The following TM9SF3 variants were observed in gnomAD, a reference collection of about 807,000 sequenced individuals.
TM9SF3 encodes the protein SM-11044-binding protein.
Under a neutral mutation model 78.6 loss-of-function variants are expected in TM9SF3, and 14 were observed. The observed-to-expected ratio is 0.18, with a 90% CI of 0.12 to 0.28. The LOEUF (loss-of-function observed/expected upper bound fraction) is 0.28, where lower values mean the gene tolerates loss of function less well. Ranked by LOEUF, TM9SF3 falls within the 10% of genes least tolerant of loss-of-function variation. The probability of loss-of-function intolerance (pLI) is 1.00; values close to 1 mark genes in which losing one functional copy is unlikely to be tolerated. For missense variants in TM9SF3, 496 were observed against 721.9 expected (o/e 0.69, Z 3.59); for synonymous variants, 231 against 241.7 (o/e 0.96, Z 0.41).
intron 3 of TM9SF3, among the ~76,000 whole-genome samples, chr10:96,562,628 C>T (rs1179660430): frequency 6.6e-6 from 1 of 152,132 alleles, no homozygotes; most frequent in Non-Finnish European, 1.5e-5. Context: ...TATATGGGCA[C>T]CAAAACTTAA....
rs398014526 is a variant in TM9SF3, at chr10:96,543,344, C to CTTTTTTTTTTTTTTTTTTTTTTTT, written c.1185+731_1185+732insAAAAAAAAAAAAAAAAAAAAAAAA. Among the ~76,000 whole-genome samples the CTTTTTTTTTTTTTTTTTTTTTTTT allele has an allele frequency of 2.2e-5, 3 of 136,894 alleles. 1 individual carries two copies. Among genetic ancestry groups the CTTTTTTTTTTTTTTTTTTTTTTTT allele is most frequent in the Non-Finnish European group, 1.5e-5 (1 of 65,210 alleles). 89.8% of individuals were successfully genotyped at this position (136,894 alleles called of 152,430 possible). The stretch of plus-strand genomic sequence containing the variant: ...ATTTACAAAAATGCTTAGTGAGATT[C>CTTTTTTTTTTTTTTTTTTTTTTTT]TTTTTTTTGAGATGGAGTCTGGCTC... On this transcript the variant is annotated intron_variant, in intron 9 of 14. Coordinates refer to ENST00000371142, the MANE Select transcript of TM9SF3 (RefSeq NM_020123.4).
chr10:96,548,088 T>A, intron 7 of TM9SF3, 99 bp from the exon 8 acceptor site: 1 of 704,078 alleles, frequency 1.4e-6, no homozygotes, highest in Non-Finnish European at 2.2e-6. Flanking sequence ...AAGATAACTT[T>A]AACAGAAATA....
chr10:96,520,576 G>C lies in TM9SF3; in HGVS notation c.*1687C>G, dbSNP rs1256086724. 1 of 291,574 alleles carries C rather than the reference G, an allele frequency of 3.4e-6. No individual in the cohort carries two copies. The highest frequency in any genetic ancestry group is 6.3e-6 in the Non-Finnish European group (1 of 159,744). The allele number at this position is 291,574 out of a possible 1,614,324, so 18.1% of individuals were successfully genotyped here. A position where few individuals can be genotyped will look rare whatever the true frequency, so the allele number is the denominator to read the frequency against. ...AATAACAATATAAAGTATTGTTTTA[G>C]GTGGTCATTTGCATAGCAAACTATT... On this transcript the variant is annotated 3_prime_UTR_variant, in exon 15 of 15. Coordinates refer to ENST00000371142, the MANE Select transcript of TM9SF3 (RefSeq NM_020123.4).
intron 4 of TM9SF3, among the ~76,000 whole-genome samples, 180 bp from the exon 5 acceptor site, chr10:96,559,916 T>A (rs1158952940): frequency 6.6e-6 from 1 of 152,238 alleles, no homozygotes; most frequent in Non-Finnish European, 1.5e-5. Context: ...AATCAACTTT[T>A]CTGTTTATTG....
chr10:96,545,780 T>C (rs1251299538), intron 8 of TM9SF3, among the ~76,000 whole-genome samples: 1 of 152,176 alleles, frequency 6.6e-6, no homozygotes, highest in African/African-American at 2.4e-5. Context: ...TCCTAGCTAT[T>C]GAGCAGGCTG....
At chr10:96,571,668 A>G (rs1848437984) in intron 2 of TM9SF3, among the ~76,000 whole-genome samples, 1 of 152,248 alleles carries the variant, frequency 6.6e-6, no homozygotes, top group African/African-American at 2.4e-5. Context: ...TCCTACCTGC[A>G]GTACTCTCAA....
In TM9SF3 at chr10:96,520,116, T is replaced by C. The variant is rs1192211423; in HGVS notation, c.*2147A>G. 6.6e-6 allele frequency: 1 copy of C among 151,912 alleles called. No individual in the cohort carries two copies. The highest frequency in any genetic ancestry group is 1.9e-4 in the East Asian group (1 of 5,202). The allele number at this position is 151,912 out of a possible 1,614,324, so 9.4% of individuals were successfully genotyped here. On this transcript the variant is annotated 3_prime_UTR_variant, in exon 15 of 15. Coordinates refer to ENST00000371142, the MANE Select transcript of TM9SF3 (RefSeq NM_020123.4). ...ATTTATACTCCCATCAGACAGACTA[T>C]GTATTGGTATGTTAAAAGTACTTTT...
chr10:96,583,226 T>C (rs1163998956), intron 1 of TM9SF3, among the ~76,000 whole-genome samples: 1 of 152,166 alleles, frequency 6.6e-6, no homozygotes, highest in Non-Finnish European at 1.5e-5. Flanking sequence ...TATTGTCCCT[T>C]CTTAGGACAA....
chr10:96,544,408 G>C (rs570086191), intron 8 of TM9SF3, among the ~76,000 whole-genome samples: 2 of 152,244 alleles, frequency 1.3e-5, no homozygotes, highest in South Asian at 2.1e-4. Flanking sequence ...GCAATGACCT[G>C]TAATAAAATA....
chr10:96,572,950 T>TA (rs1848455365), intron 2 of TM9SF3, among the ~76,000 whole-genome samples: 1 of 152,208 alleles, frequency 6.6e-6, no homozygotes, highest in Admixed American at 6.5e-5. Context: ...TTCCTTTAAA[T>TA]AGTCTCTTTA....
Position 96,522,105 on chromosome 10 carries a change from G to T in TM9SF3, c.*158C>A, listed in dbSNP as rs1264042597. The T allele has an allele frequency of 3.2e-6, 2 of 633,166 alleles. No homozygotes were observed. The highest frequency in any genetic ancestry group is 3.9e-5 in the African/African-American group (2 of 51,660). The allele number at this position is 633,166 out of a possible 1,614,324, so 39.2% of individuals were successfully genotyped here. A position where few individuals can be genotyped will look rare whatever the true frequency, so the allele number is the denominator to read the frequency against. ...AGTCAGGAAGAACCTAGGATCAATG[G>T]AAATAGATGTTACTTTAAGCCACCG... On this transcript the variant is annotated 3_prime_UTR_variant, in exon 15 of 15. Transcript: ENST00000371142.
intron 5 of TM9SF3, among the ~76,000 whole-genome samples, chr10:96,555,168 A>C (rs1181908307): frequency 6.6e-6 from 1 of 152,106 alleles, no homozygotes; most frequent in African/African-American, 2.4e-5. Context: ...TATCAAATCT[A>C]AACTATTTTC....
In TM9SF3 at chr10:96,546,871, C is replaced by T. The variant is rs116924933; in HGVS notation, c.1054+1024G>A. ...TAAGATGGGCTGTGGAAAATCACAACTCCATCCTTGGAAATATAATTTTAA... is the reference window on the plus strand; with the variant it reads ...TAAGATGGGCTGTGGAAAATCACAATTCCATCCTTGGAAATATAATTTTAA... On this transcript the variant is annotated intron_variant, in intron 8 of 14. Transcript: ENST00000371142. Among the ~76,000 whole-genome samples, 46 of 152,320 alleles carry T rather than the reference C, an allele frequency of 3.0e-4. No homozygotes were observed. The East Asian group carries it at 8.1e-3, about 27-fold the overall frequency.
At chr10:96,540,615 TTC>T (rs1848014142) in intron 9 of TM9SF3, among the ~76,000 whole-genome samples, 2 of 151,114 alleles carry the variant, frequency 1.3e-5, no homozygotes, top group African/African-American at 4.9e-5. Flanking sequence ...GATAGAGCCA[TTC>T]TTTTTTTTTT....
chr10:96,541,509 G>A (rs1445518226), intron 9 of TM9SF3, among the ~76,000 whole-genome samples: 4 of 152,042 alleles, frequency 2.6e-5, no homozygotes, highest in East Asian at 1.9e-4. Flanking sequence ...TCAGCCTCCC[G>A]AGTAGCTGGG....
At position 96,518,875 on chromosome 10, in the gene TM9SF3, GAA is replaced by G. The variant is rs1402783762; in HGVS notation, c.*3386_*3387del. On this transcript the variant is annotated 3_prime_UTR_variant, in exon 15 of 15. Coordinates refer to ENST00000371142, the MANE Select transcript of TM9SF3 (RefSeq NM_020123.4). ...AGTTTCATAACTATAGAATTTTAGT[GAA>G]GATATAAAACATTAATGAATACTTG... is the stretch of plus-strand genomic sequence containing the variant. 3 of 151,960 alleles carry G rather than the reference GAA, an allele frequency of 2.0e-5. No individual in the cohort carries two copies. The highest frequency in any genetic ancestry group is 2.9e-5 in the Non-Finnish European group (2 of 67,938). The allele number at this position is 151,960 out of a possible 1,614,324, so 9.4% of individuals were successfully genotyped here.
At chr10:96,561,048 A>G (rs989320566) in intron 4 of TM9SF3, 6 of 331,240 alleles carry the variant, frequency 1.8e-5, no homozygotes, top group African/African-American at 6.5e-5. Context: ...TTTAATCTCA[A>G]TCTCCTTTTC....
At chr10:96,542,597 C>G (rs1490997554) in intron 9 of TM9SF3, among the ~76,000 whole-genome samples, 5 of 151,922 alleles carry the variant, frequency 3.3e-5, no homozygotes, top group Admixed American at 6.6e-5. Flanking sequence ...AAAATTTTAA[C>G]AGAATCAAAA....
In TM9SF3 at chr10:96,552,966, A is replaced by G; in HGVS notation, c.754T>C (p.Tyr252His). The change falls in exon 6 of 15, where the codon TAT (tyrosine) becomes CAT (histidine). Residue 252 changes from tyrosine to histidine, a missense_variant. Coordinates refer to ENST00000371142, the MANE Select transcript of TM9SF3 (RefSeq NM_020123.4). ...TCTTCCTCTTTACTGTACCGAGCAT[A>G]ATCTTTTCTTAATGTTCTCATTAAA... ...MILMRTLRKD[Y>H]ARYSKEEEMD... 6.2e-7 allele frequency: 1 copy of G among 1,605,456 alleles called. No individual in the cohort carries two copies. The highest frequency in any genetic ancestry group is 1.1e-5 in the South Asian group (1 of 89,886).
Sources: allele counts gnomAD v4.1 joint callset (sites outside exome capture counted in the v4.1 genomes callset), GRCh38; gene constraint gnomAD v4.1.1; transcripts MANE v1.5; gene names NCBI Gene and HGNC (gene_info 2026-07-23, HGNC 2026-07-21).